The following RGS6 variants were observed in gnomAD, a reference collection of about 807,000 sequenced individuals.
The protein encoded by RGS6 is regulator of G protein signaling 6.
RGS6 carries 30 observed loss-of-function variants against 78.5 expected under a neutral mutation model. The observed-to-expected ratio is 0.38, with a 90% confidence interval of 0.29 to 0.52. The LOEUF is 0.52. RGS6 is among the 20% of genes least tolerant of loss of function. RGS6 has a pLI of 0.85. For synonymous variants in RGS6, 206 were observed against 206.0 expected, an observed-to-expected ratio of 1.00 and a Z score of 0.00; for missense variants, 495 against 609.7, an observed-to-expected ratio of 0.81 and a Z score of 1.98.
At chr14:72,122,743 T>A (rs939027369) in intron 2 of RGS6, among the ~76,000 whole-genome samples, 1 of 150,548 alleles carries the variant, frequency 6.6e-6, no homozygotes, top group African/African-American at 2.5e-5. Context: ...AGTTATCGTT[T>A]TTTTTTTTTT....
intron 3 of RGS6, among the ~76,000 whole-genome samples, chr14:72,364,916 C>A (rs2082181569): frequency 6.6e-6 from 1 of 152,198 alleles, no homozygotes; most frequent in Non-Finnish European, 1.5e-5. Context: ...CTTGTCACCA[C>A]TTTCTCAGCA....
the RGS6 span, among the ~76,000 whole-genome samples, chr14:71,875,147 T>A: frequency 2.0e-5 from 3 of 152,376 alleles, no homozygotes; most frequent in East Asian, 5.8e-4. Flanking sequence ...ATTAGGATGA[T>A]GCTGGCCTCA....
chr14:72,304,699 T>C (rs1595568247), intron 2 of RGS6, among the ~76,000 whole-genome samples: 2 of 151,874 alleles, frequency 1.3e-5, no homozygotes, highest in East Asian at 3.9e-4. Context: ...ACCAATATGG[T>C]AAAACCCCAT....
At chr14:72,199,966 C>T (rs566953559) in intron 2 of RGS6, among the ~76,000 whole-genome samples, 2 of 152,338 alleles carry the variant, frequency 1.3e-5, no homozygotes, top group South Asian at 4.1e-4. Context: ...GATCCTATGG[C>T]TTGCAGAGTC....
chr14:72,613,020 G>A, the RGS6 span, among the ~76,000 whole-genome samples: 27 of 151,996 alleles, frequency 1.8e-4, no homozygotes, highest in Non-Finnish European at 3.7e-4. Flanking sequence ...GTGTGTGTGT[G>A]TGTGTGTGTG....
chr14:72,352,673 T>C (rs7154568), intron 3 of RGS6, among the ~76,000 whole-genome samples: 2,063 of 152,316 alleles, frequency 0.014, 55 homozygotes, highest in African/African-American at 0.048. Flanking sequence ...TCTTTTAAAA[T>C]ATTTTATTGT....
At chr14:72,108,722 T>C (rs1255445322) in intron 2 of RGS6, among the ~76,000 whole-genome samples, 3 of 152,152 alleles carry the variant, frequency 2.0e-5, no homozygotes, top group Non-Finnish European at 4.4e-5. Context: ...AGAACATTTC[T>C]AATTCTTTTC....
rs549994862 is a variant in RGS6, at chr14:72,193,251, C to T, written c.85-158844C>T. Reference sequence around the variant, plus strand: ...TCAGGTGATCCACCTGCCTTGGCCTCCCAAAGTTCTGGGATTTCAGGCATG... The same window carrying T: ...TCAGGTGATCCACCTGCCTTGGCCTTCCAAAGTTCTGGGATTTCAGGCATG... On this transcript the variant is annotated intron_variant, in intron 2 of 17. Coordinates refer to ENST00000553525, the MANE Select transcript of RGS6 (RefSeq NM_001204424.2). Among the ~76,000 whole-genome samples the T allele has an allele frequency of 5.3e-5, 8 of 152,304 alleles. No individual in the cohort carries two copies. In the South Asian group the frequency reaches 1.7e-3, roughly 32 times the overall value.
At chr14:71,964,909 C>T (rs1203255023) in intron 2 of RGS6, 34 bp downstream of exon 2, 1 of 1,551,648 alleles carries the variant, frequency 6.4e-7, no homozygotes, top group Non-Finnish European at 8.9e-7. Flanking sequence ...TGCGTGCTGT[C>T]CGTGTGGACT....
chr14:72,119,321 G>T (rs148607179), intron 2 of RGS6, among the ~76,000 whole-genome samples: 1 of 152,268 alleles, frequency 6.6e-6, no homozygotes, highest in African/African-American at 2.4e-5. Flanking sequence ...TAGGAAGCAC[G>T]TTTTTAAGCT....
intron 2 of RGS6, among the ~76,000 whole-genome samples, chr14:72,139,841 T>G (rs2096511322): frequency 6.6e-6 from 1 of 152,188 alleles, no homozygotes; most frequent in African/African-American, 2.4e-5. Flanking sequence ...CAGACTTTTT[T>G]TTTTTCCACC....
intron 6 of RGS6, among the ~76,000 whole-genome samples, chr14:72,460,866 C>T (rs1008548382): frequency 3.3e-5 from 5 of 151,874 alleles, no homozygotes; most frequent in South Asian, 2.1e-4. Flanking sequence ...TGGAGTCACA[C>T]GTTTGAGCAA....
chr14:72,434,055 G>C (rs58482573), intron 3 of RGS6, among the ~76,000 whole-genome samples: 9,403 of 152,276 alleles, frequency 0.062, 605 homozygotes, highest in African/African-American at 0.15. Flanking sequence ...TCAGCTCAAG[G>C]CTGGGCACAG....
At chr14:72,071,227 A>G (rs986314447) in intron 2 of RGS6, among the ~76,000 whole-genome samples, 10 of 152,160 alleles carry the variant, frequency 6.6e-5, no homozygotes, top group African/African-American at 2.4e-4. Flanking sequence ...GTTCGTTCAT[A>G]TTTACTTTAT....
chr14:72,001,679 G>T (rs1301653415), intron 2 of RGS6, among the ~76,000 whole-genome samples: 2 of 152,070 alleles, frequency 1.3e-5, no homozygotes, highest in African/African-American at 2.4e-5. Context: ...TCTGAGTCTT[G>T]TATGGTTTCT....
intron 2 of RGS6, among the ~76,000 whole-genome samples, chr14:72,266,289 G>A (rs1222676578): frequency 6.6e-6 from 1 of 152,188 alleles, no homozygotes; most frequent in African/African-American, 2.4e-5. Context: ...TCTCAAAGTA[G>A]TCAGACCTCT....
chr14:72,270,177 G>T (rs1336075338), intron 2 of RGS6, among the ~76,000 whole-genome samples: 1 of 152,136 alleles, frequency 6.6e-6, no homozygotes. Context: ...CCTATGCCAC[G>T]TGCTCCTCTT....
At chr14:72,004,003 T>C (rs2084021229) in intron 2 of RGS6, among the ~76,000 whole-genome samples, 1 of 152,208 alleles carries the variant, frequency 6.6e-6, no homozygotes, top group Non-Finnish European at 1.5e-5. Flanking sequence ...AACTTTGCTC[T>C]CCACTGGAAT....
At chr14:71,883,126 A>G in the RGS6 span, among the ~76,000 whole-genome samples, 2 of 152,252 alleles carry the variant, frequency 1.3e-5, no homozygotes, top group African/African-American at 4.8e-5. Flanking sequence ...TTTTAAATCA[A>G]TGTGATAACT....
Sources: gnomAD v4.1 joint callset for allele counts (sites outside exome capture counted in the v4.1 genomes callset) on GRCh38, gnomAD v4.1.1 for gene constraint, MANE v1.5 for transcripts, NCBI Gene and HGNC (gene_info 2026-07-23, HGNC 2026-07-21) for gene names.